TF: variants seen among roughly 807,000 people sequenced by gnomAD.
TF encodes serotransferrin.
A neutral mutation model predicts 82.4 loss-of-function variants in TF; 55 were observed. The ratio of observed to expected loss-of-function variants is 0.67; its 90% CI spans 0.54 to 0.84. The LOEUF (loss-of-function observed/expected upper bound fraction) is 0.84, where lower values mean the gene tolerates loss of function less well. TF is among the 40% of genes least tolerant of loss of function. The probability of loss-of-function intolerance (pLI) is 0.00; values close to 1 mark genes in which losing one functional copy is unlikely to be tolerated. For missense variants in TF, 737 were observed against 868.4 expected, an observed-to-expected ratio of 0.85 and a Z score of 1.90; for synonymous variants, 332 against 332.6, an observed-to-expected ratio of 1.00 and a Z score of 0.02.
At chr3:133,697,434 T>C in the TF span, among the ~76,000 whole-genome samples, 2 of 152,258 alleles carry the variant, frequency 1.3e-5, no homozygotes, top group Non-Finnish European at 2.9e-5. Flanking sequence ...GTTACCACAC[T>C]TAATGATAGT....
In TF at chr3:133,775,468, G is replaced by T; in HGVS notation, c.1723G>T (p.Glu575Ter). 1 of 1,614,210 alleles carries T rather than the reference G, an allele frequency of 6.2e-7. No individual in the cohort carries two copies. Among genetic ancestry groups the T allele is most frequent in the Non-Finnish European group, 8.5e-7 (1 of 1,180,030 alleles). Residue 575 changes from glutamate to a stop codon, truncating the protein, a stop_gained, in exon 15 of 17, where the codon GAA (glutamate) becomes TAA (stop). Transcript: ENST00000402696. LOFTEE classifies it high-confidence loss of function. ...TGATCCATGGGCTAAGAATCTGAAT[G>T]AAAAAGACTATGAGTTGCTGTGCCT... ...NPDPWAKNLN[E>*]KDYELLCLDG... is the part of the protein sequence containing the mutation.
intron 3 of TF, chr3:133,754,208 T>C: frequency 2.1e-6 from 1 of 467,282 alleles, no homozygotes; most frequent in Middle Eastern, 6.1e-4. Flanking sequence ...TTGGTAGGTG[T>C]AGGCAGACAC....
At chr3:133,740,024 A>G in the TF span, among the ~76,000 whole-genome samples, 540 of 152,374 alleles carry the variant, frequency 3.5e-3, 2 homozygotes, top group African/African-American at 0.012. Context: ...CTATAAAGAT[A>G]CAAGCACATG....
chr3:133,682,109 G>A, the TF span, among the ~76,000 whole-genome samples: 7 of 152,188 alleles, frequency 4.6e-5, no homozygotes, highest in African/African-American at 1.7e-4. Context: ...TGGACCTCCA[G>A]CAAACTCCAA....
chr3:133,710,318 A>G, the TF span, among the ~76,000 whole-genome samples: 1 of 152,154 alleles, frequency 6.6e-6, no homozygotes, highest in East Asian at 1.9e-4. Context: ...TTTTTACCTG[A>G]GCAGCTGAAC....
At chr3:133,710,304 C>T in the TF span, 1 of 152,374 alleles carries the variant, frequency 6.6e-6, no homozygotes, top group Non-Finnish European at 1.5e-5. Flanking sequence ...ATTACCTGCT[C>T]TCTTTTTTAC....
At chr3:133,693,672 T>A in the TF span, among the ~76,000 whole-genome samples, 1 of 152,044 alleles carries the variant, frequency 6.6e-6, no homozygotes, top group Non-Finnish European at 1.5e-5. Context: ...TCCTACCCCC[T>A]CCTCGACAAG....
chr3:133,692,015 T>C, the TF span, among the ~76,000 whole-genome samples: 186 of 152,350 alleles, frequency 1.2e-3, no homozygotes, highest in Non-Finnish European at 1.8e-3. Flanking sequence ...CCTGGGCGAC[T>C]GCAAACTTTG....
the TF span, among the ~76,000 whole-genome samples, chr3:133,714,628 C>A: frequency 6.6e-6 from 1 of 152,124 alleles, no homozygotes; most frequent in African/African-American, 2.4e-5. Context: ...TAGCTTCAGA[C>A]CTCTCATTCT....
intron 4 of TF, 65 bp downstream of exon 4, chr3:133,754,736 G>A (rs1933777335): frequency 1.3e-6 from 2 of 1,536,644 alleles, no homozygotes; most frequent in Non-Finnish European, 9.0e-7. Flanking sequence ...CACACAGGCT[G>A]CACTAGACAG....
In TF at chr3:133,790,315, G is replaced by A. The variant is rs368459107; in HGVS notation, c.*11695G>A. 13 of 152,098 alleles carry A rather than the reference G, an allele frequency of 8.5e-5. No individual in the cohort carries two copies. Among genetic ancestry groups the A allele is most frequent in the East Asian group, 3.9e-4 (2 of 5,194 alleles). 9.4% of individuals were successfully genotyped at this position (152,098 alleles called of 1,614,324 possible). A position where few individuals can be genotyped will look rare whatever the true frequency, so the allele number is the denominator to read the frequency against. ...AGTTCAGGATTTCTAGCTTTTTAGC[G>A]TTTCACTAAAGTTTTAGGTTACTAA... On this transcript the variant is annotated 3_prime_UTR_variant, in exon 17 of 17. Coordinates refer to ENST00000402696, the MANE Select transcript of TF (RefSeq NM_001063.4).
the TF span, among the ~76,000 whole-genome samples, chr3:133,730,224 C>T: frequency 1.3e-5 from 2 of 152,262 alleles, no homozygotes; most frequent in East Asian, 1.9e-4. Context: ...ACAGGAAGGG[C>T]CCCTGGCTCA....
intron 3 of TF, 141 bp from the exon 4 acceptor site, chr3:133,754,354 T>G: frequency 1.2e-6 from 1 of 826,248 alleles, no homozygotes; most frequent in Non-Finnish European, 2.0e-6. Context: ...AGGAAGGTTT[T>G]CCTGATTCCC....
At chr3:133,699,532 G>T in the TF span, 1 of 966,354 alleles carries the variant, frequency 1.0e-6, no homozygotes, top group South Asian at 1.2e-5. Context: ...TACAAGGACT[G>T]CCATTTGGCC....
upstream of TF, among the ~76,000 whole-genome samples, chr3:133,743,431 CCTCT>C (rs1933430920): frequency 6.6e-6 from 1 of 151,932 alleles, no homozygotes; most frequent in Non-Finnish European, 1.5e-5. Context: ...CATGTCTGTC[CCTCT>C]CTCGGTGTGA....
the TF span, among the ~76,000 whole-genome samples, chr3:133,668,777 C>T: frequency 1.3e-5 from 2 of 152,076 alleles, no homozygotes; most frequent in South Asian, 4.1e-4. Flanking sequence ...GCACAGTAGG[C>T]CAGAGGGCTA....
chr3:133,668,016 T>C, the TF span, among the ~76,000 whole-genome samples: 1 of 152,230 alleles, frequency 6.6e-6, no homozygotes, highest in Non-Finnish European at 1.5e-5. Context: ...CTTATTCTTC[T>C]CTGTTGCTAT....
chr3:133,711,629 C>T, the TF span, among the ~76,000 whole-genome samples: 1 of 152,290 alleles, frequency 6.6e-6, no homozygotes, highest in South Asian at 2.1e-4. Flanking sequence ...CAGCTGCCCT[C>T]ATTTCCCCTG....
Position 133,784,297 on chromosome 3 carries a change from T to G in TF, c.*5677T>G, listed in dbSNP as rs1453844823. On this transcript the variant is annotated 3_prime_UTR_variant, in exon 17 of 17. Transcript: ENST00000402696. Reference sequence around the variant, plus strand: ...AAGGCCCACCACCCTTTAGGAAGATTACTGGCTGTTTATAGAAGGCCCGTG... The same window carrying G: ...AAGGCCCACCACCCTTTAGGAAGATGACTGGCTGTTTATAGAAGGCCCGTG... 2 of 152,066 alleles carry G rather than the reference T, an allele frequency of 1.3e-5. No homozygotes were observed. Among genetic ancestry groups the G allele is most frequent in the Non-Finnish European group, 2.9e-5 (2 of 68,022 alleles). 9.4% of individuals were successfully genotyped at this position (152,066 alleles called of 1,614,324 possible).
Sources: gnomAD v4.1 joint callset for allele counts (sites outside exome capture counted in the v4.1 genomes callset) on GRCh38, gnomAD v4.1.1 for gene constraint, MANE v1.5 for transcripts, NCBI Gene and HGNC (gene_info 2026-07-23, HGNC 2026-07-21) for gene names.